Variants in PGPEP1 observed in about 807,000 individuals in gnomAD.
PGPEP1 encodes pyroglutamyl-peptidase I.
A neutral mutation model predicts 24.1 loss-of-function variants in PGPEP1; 15 were observed. That is an observed-to-expected ratio of 0.62 (90% CI 0.42 to 0.96). The LOEUF (loss-of-function observed/expected upper bound fraction) is 0.96. Among genes scored for constraint, PGPEP1 ranks in the 40% least tolerant of loss-of-function variants. PGPEP1 has a pLI of 0.00. For synonymous variants in PGPEP1, 122 were observed against 116.4 expected (o/e 1.05, Z -0.31); for missense variants, 242 against 273.4 (o/e 0.89, Z 0.81).
chr19:18,361,481 T>C (rs1971348616), intron 4 of PGPEP1, among the ~76,000 whole-genome samples: 1 of 148,668 alleles, frequency 6.7e-6, no homozygotes, highest in African/African-American at 2.5e-5. Flanking sequence ...GACAAGGTGT[T>C]GCAATGTTGC....
intron 2 of PGPEP1, among the ~76,000 whole-genome samples, chr19:18,353,853 C>T (rs569504770): frequency 3.3e-5 from 5 of 152,282 alleles, no homozygotes; most frequent in East Asian, 3.9e-4. Context: ...CGTATTCCAT[C>T]GGATGGATGG....
rs574464161 is a variant in PGPEP1, at chr19:18,369,514, C to A, written c.*5931C>A. ...GTGACACTTTGTCTCAAGGAGATTC[C>A]ACATAGGGATTTGAATTAGGCTTTC... On this transcript the variant is annotated 3_prime_UTR_variant, in exon 5 of 5. Transcript: ENST00000269919. 2.6e-5 allele frequency: 4 copies of A among 152,376 alleles called. No individual in the cohort carries two copies. Among genetic ancestry groups the A allele is most frequent in the South Asian group, 4.1e-4 (2 of 4,824 alleles). The allele number at this position is 152,376 out of a possible 1,614,324, so 9.4% of individuals were successfully genotyped here.
At position 18,364,101 on chromosome 19, in the gene PGPEP1, T is replaced by TTTCTTTCTTTC. The variant is rs1451508776; in HGVS notation, c.*521_*531dup. On this transcript the variant is annotated 3_prime_UTR_variant, in exon 5 of 5. Transcript: ENST00000269919. ...CTGGCTGGCTTTCTTTCTTTCTTTC[T>TTTCTTTCTTTC]TTCTTTCTTTCTTGCTTTCTTTCTT... is the stretch of plus-strand genomic sequence containing the variant. 1 of 129,718 alleles carries TTTCTTTCTTTC rather than the reference T, an allele frequency of 7.7e-6. No individual in the cohort carries two copies. Among genetic ancestry groups the TTTCTTTCTTTC allele is most frequent in the Non-Finnish European group, 1.7e-5 (1 of 59,150 alleles). 8.0% of individuals were successfully genotyped at this position (129,718 alleles called of 1,614,324 possible).
Position 18,351,364 on chromosome 19 carries a change from CCTGTAAT to C in PGPEP1, c.88-4529_88-4523del, listed in dbSNP as rs1163270936. On this transcript the variant is annotated intron_variant, in intron 2 of 4. Coordinates refer to ENST00000269919, the MANE Select transcript of PGPEP1 (RefSeq NM_017712.4). ...ATCAGGCCAGGCATGATGGCTCTTGCCTGTAATCCCAGCACTTTGGGAGGCTGAGGCA... is the reference window on the plus strand; with the variant it reads ...ATCAGGCCAGGCATGATGGCTCTTGCCCCAGCACTTTGGGAGGCTGAGGCA... 2.0e-5 allele frequency among the ~76,000 whole-genome samples: 3 copies of C among 152,158 alleles called. No individual in the cohort carries two copies. The East Asian group carries it at 5.8e-4, about 29-fold the overall frequency.
chr19:18,347,943 C>T (rs1483212926), intron 2 of PGPEP1, among the ~76,000 whole-genome samples: 2 of 152,152 alleles, frequency 1.3e-5, no homozygotes, highest in African/African-American at 4.8e-5. Context: ...GTCTCCGTCT[C>T]TTCTGATCCT....
chr19:18,357,354 T>C (rs1009487065), intron 3 of PGPEP1, 29 bp from the exon 4 acceptor site: 1 of 1,577,664 alleles, frequency 6.3e-7, no homozygotes, highest in South Asian at 1.1e-5. Context: ...GGGCAGGCCA[T>C]GTTAAGTCCT....
At chr19:18,358,253 C>CTTTTTTTT (rs58979840) in intron 4 of PGPEP1, among the ~76,000 whole-genome samples, 1 of 64,482 alleles carries the variant, frequency 1.6e-5, no homozygotes, top group Non-Finnish European at 2.8e-5. Flanking sequence ...TCCAGTATGA[C>CTTTTTTTT]TTTTTTTTTT....
rs35319012 is a variant in PGPEP1, at chr19:18,367,579, T to A, written c.*3996T>A. 0.12 allele frequency: 18,532 copies of A among 151,830 alleles called. 1,160 individuals are homozygous for A. Among genetic ancestry groups the A allele is most frequent in the East Asian group, 0.16 (833 of 5,138 alleles). The allele number at this position is 151,830 out of a possible 1,614,324, so 9.4% of individuals were successfully genotyped here. A position where few individuals can be genotyped will look rare whatever the true frequency, so the allele number is the denominator to read the frequency against. The stretch of plus-strand genomic sequence containing the variant: ...CCTCCCCACCCCAAAGAAGGTCAGT[T>A]GCATGCGTGTGGGGATGTAGCTCAA... On this transcript the variant is annotated 3_prime_UTR_variant, in exon 5 of 5. Coordinates refer to ENST00000269919, the MANE Select transcript of PGPEP1 (RefSeq NM_017712.4).
rs201093033 is a variant in PGPEP1, at chr19:18,355,975, A to G, written c.168A>G (p.Arg56=). 4.3e-6 allele frequency: 7 copies of G among 1,613,190 alleles called. No homozygotes were observed. The highest frequency in any genetic ancestry group is 5.9e-6 in the Non-Finnish European group (7 of 1,179,250). ...EIPVEYQTVQ[R]LIPALWEKHS... ...CGGTTGAGTACCAAACAGTCCAGAG[A>G]CTCATCCCCGCCCTGTGGGAGAAGC... The change falls in exon 3 of 5, where the codon AGA becomes AGG. Residue 56 remains arginine, a synonymous_variant. Transcript: ENST00000269919.
chr19:18,363,853 A>G lies in PGPEP1; in HGVS notation c.*270A>G. The G allele has an allele frequency of 3.0e-6, 1 of 335,824 alleles. No individual in the cohort carries two copies. The highest frequency in any genetic ancestry group is 5.5e-6 in the Non-Finnish European group (1 of 181,026). The allele number at this position is 335,824 out of a possible 1,614,324, so 20.8% of individuals were successfully genotyped here. On this transcript the variant is annotated 3_prime_UTR_variant, in exon 5 of 5. Coordinates refer to ENST00000269919, the MANE Select transcript of PGPEP1 (RefSeq NM_017712.4). Reference sequence around the variant, plus strand: ...CCAGGGAGGCCAGCCTGGGAGGTCCAGATGCCCAGGGAGAATCTTGGTCTG... The same window carrying G: ...CCAGGGAGGCCAGCCTGGGAGGTCCGGATGCCCAGGGAGAATCTTGGTCTG...
At chr19:18,347,270 C>CTTTTTTTTTTTTTTTTTTTTT (rs59936417) in intron 2 of PGPEP1, among the ~76,000 whole-genome samples, 3 of 94,420 alleles carry the variant, frequency 3.2e-5, no homozygotes, top group Non-Finnish European at 3.9e-5. Context: ...TTCTTTCTTT[C>CTTTTTTTTTTTTTTTTTTTTT]TTTTTTTTTT....
Position 18,349,031 on chromosome 19 carries a change from T to TG in PGPEP1, c.87+6123dup, listed in dbSNP as rs758624221. On this transcript the variant is annotated intron_variant, in intron 2 of 4. Transcript: ENST00000269919. ...TTCCACCTCGGCCTCCCAAAGAAGC[T>TG]GGGATTATAGGTGTGAGCCACCGAG... 1.2e-5 allele frequency: 11 copies of TG among 906,370 alleles called. No individual in the cohort carries two copies. In the South Asian group the frequency reaches 5.0e-4, roughly 41 times the overall value. 56.1% of individuals were successfully genotyped at this position (906,370 alleles called of 1,614,324 possible).
At chr19:18,355,859 C>A in intron 2 of PGPEP1, 36 bp from the exon 3 acceptor site, 6 of 1,322,374 alleles carry the variant, frequency 4.5e-6, no homozygotes, top group South Asian at 1.2e-5. Context: ...TAGCTGTCAT[C>A]TGGGGCCATG....
At chr19:18,354,130 G>A (rs1193701406) in intron 2 of PGPEP1, among the ~76,000 whole-genome samples, 2 of 152,176 alleles carry the variant, frequency 1.3e-5, no homozygotes, top group Non-Finnish European at 2.9e-5. Flanking sequence ...AGCTACTGGG[G>A]AGGCTGAGGC....
chr19:18,344,308 A>G (rs1175028550), intron 2 of PGPEP1, among the ~76,000 whole-genome samples: 3 of 152,046 alleles, frequency 2.0e-5, no homozygotes, highest in Non-Finnish European at 4.4e-5. Flanking sequence ...TCTTTTCCAG[A>G]TGGAGTATTT....
chr19:18,363,392 T>C lies in PGPEP1; in HGVS notation c.439T>C (p.Tyr147His), dbSNP rs1304598287. The C allele has an allele frequency of 6.2e-7, 1 of 1,604,326 alleles. No homozygotes were observed. The highest frequency in any genetic ancestry group is 2.2e-5 in the East Asian group (1 of 44,552). ...TACCCGCCACGCCCTGCGGCTTAGATATCTCTGCGACTTTACCTACTACAC... is the reference window on the plus strand; with the variant it reads ...TACCCGCCACGCCCTGCGGCTTAGACATCTCTGCGACTTTACCTACTACAC... ...SVTISQDAGR[Y>H]LCDFTYYTSL... Residue 147 changes from tyrosine to histidine, a missense_variant and splice_region_variant, in exon 5 of 5, where the codon TAT becomes CAT. Coordinates refer to ENST00000269919, the MANE Select transcript of PGPEP1 (RefSeq NM_017712.4).
chr19:18,345,408 AAAAC>A (rs1970801960), intron 2 of PGPEP1, among the ~76,000 whole-genome samples: 1 of 152,134 alleles, frequency 6.6e-6, no homozygotes, highest in Non-Finnish European at 1.5e-5. Context: ...TAAACAAAAC[AAAAC>A]AAAGTTTAAC....
chr19:18,348,011 C>T (rs998442595), intron 2 of PGPEP1, among the ~76,000 whole-genome samples: 1 of 152,072 alleles, frequency 6.6e-6, no homozygotes, highest in Non-Finnish European at 1.5e-5. Flanking sequence ...TGTTTCCCAC[C>T]CGCAGTGTTC....
intron 4 of PGPEP1, among the ~76,000 whole-genome samples, chr19:18,359,237 C>A (rs898139197): frequency 6.6e-6 from 1 of 152,130 alleles, no homozygotes; most frequent in Non-Finnish European, 1.5e-5. Flanking sequence ...GAGCAAGACC[C>A]TGTTGGCTCT....
Sources: allele counts gnomAD v4.1 joint callset (sites outside exome capture counted in the v4.1 genomes callset), GRCh38; gene constraint gnomAD v4.1.1; transcripts MANE v1.5; gene names NCBI Gene and HGNC (gene_info 2026-07-23, HGNC 2026-07-21).